TET1: variants seen among roughly 807,000 people sequenced by gnomAD.
TET1 encodes tet methylcytosine dioxygenase 1.
TET1 carries 13 observed loss-of-function variants against 148.7 expected under a neutral mutation model. That is an observed-to-expected ratio of 0.09 (90% confidence interval 0.06 to 0.14). TET1 has a LOEUF of 0.14. TET1 is among the 10% of genes least tolerant of loss of function. The pLI is 1.00. For synonymous variants in TET1, 907 were observed against 937.2 expected, an observed-to-expected ratio of 0.97 and a Z score of 0.59; for missense variants, 2,182 against 2,553.8, an observed-to-expected ratio of 0.85 and a Z score of 3.14.
intron 3 of TET1, among the ~76,000 whole-genome samples, chr10:68,616,190 C>T (rs2054287273): frequency 6.6e-6 from 1 of 151,984 alleles, no homozygotes; most frequent in South Asian, 2.1e-4. Context: ...CTCATCAGTA[C>T]CTATTCAGAT....
chr10:68,582,089 G>A (rs987910283), intron 2 of TET1, among the ~76,000 whole-genome samples: 3 of 147,948 alleles, frequency 2.0e-5, no homozygotes, highest in African/African-American at 7.5e-5. Flanking sequence ...AAGCATATTA[G>A]ATGACACTAT....
intron 11 of TET1, among the ~76,000 whole-genome samples, chr10:68,689,561 C>T (rs1327798427): frequency 6.6e-6 from 1 of 151,444 alleles, no homozygotes. Context: ...ATTAGCCAGG[C>T]GTGGTGGAGA....
intron 3 of TET1, among the ~76,000 whole-genome samples, chr10:68,625,472 C>T (rs991335677): frequency 5.3e-5 from 8 of 152,104 alleles, no homozygotes; most frequent in Admixed American, 3.9e-4. Flanking sequence ...CGCTTAAAAG[C>T]GGGTCACAAA....
intron 6 of TET1, among the ~76,000 whole-genome samples, chr10:68,663,325 A>AT (rs1259976777): frequency 6.6e-6 from 1 of 152,092 alleles, no homozygotes; most frequent in Non-Finnish European, 1.5e-5. Context: ...CCTTCTCTGC[A>AT]TTTTTTATAG....
chr10:68,681,976 A>T (rs1235840350), intron 9 of TET1, among the ~76,000 whole-genome samples: 1 of 150,748 alleles, frequency 6.6e-6, no homozygotes, highest in African/African-American at 2.4e-5. Flanking sequence ...TCAAAAAAAA[A>T]AACAAAAAAA....
In TET1 at chr10:68,644,926, G is replaced by A. The variant is rs940443113; in HGVS notation, c.2197G>A (p.Ala733Thr). The change falls in exon 4 of 12, where the codon GCT (alanine) becomes ACT (threonine). Residue 733 changes from alanine (A) to threonine (T), a missense_variant. By Grantham distance (58) the Ala-to-Thr change is moderately conservative. This residue lies in a region of TET1 where 226 missense variants were observed against 307.4 expected (regional missense o/e 0.74). Transcript: ENST00000373644. ...AGATTTTAGTGCTAATGTCCCAGAA[G>A]CTGAAAAATCGAAAAACTCTGAAGT... ...KGDFSANVPE[A>T]EKSKNSEVDK... 1.9e-6 allele frequency: 3 copies of A among 1,611,704 alleles called. No individual in the cohort carries two copies. The highest frequency in any genetic ancestry group is 8.5e-7 in the Non-Finnish European group (1 of 1,179,312).
At chr10:68,576,085 G>T (rs1353071370) in intron 2 of TET1, among the ~76,000 whole-genome samples, 2 of 151,790 alleles carry the variant, frequency 1.3e-5, no homozygotes, top group Non-Finnish European at 2.9e-5. Flanking sequence ...GCTGGTCATG[G>T]TGGCTCACAC....
At chr10:68,603,844 A>G (rs2054089210) in intron 3 of TET1, among the ~76,000 whole-genome samples, 1 of 152,184 alleles carries the variant, frequency 6.6e-6, no homozygotes, top group Non-Finnish European at 1.5e-5. Context: ...AAAATTAAAA[A>G]CTAAATAGCG....
intron 3 of TET1, among the ~76,000 whole-genome samples, chr10:68,617,948 G>GTCTTGC: frequency 6.7e-6 from 1 of 150,148 alleles, no homozygotes; most frequent in East Asian, 2.0e-4. Context: ...AAGAGACAGT[G>GTCTTGC]TCTTGCTCTG....
intron 3 of TET1, among the ~76,000 whole-genome samples, chr10:68,615,309 C>A (rs766773966): frequency 6.6e-6 from 1 of 151,758 alleles, no homozygotes; most frequent in Non-Finnish European, 1.5e-5. Flanking sequence ...CAGTTTTTAC[C>A]CTGAATTCTT....
chr10:68,684,735 C>T (rs917601627), intron 10 of TET1, among the ~76,000 whole-genome samples: 5 of 152,112 alleles, frequency 3.3e-5, no homozygotes, highest in Non-Finnish European at 7.3e-5. Context: ...TCTCCCTTCA[C>T]CCTGTTTTAC....
At chr10:68,583,228 A>G (rs1203658335) in intron 2 of TET1, among the ~76,000 whole-genome samples, 1 of 152,134 alleles carries the variant, frequency 6.6e-6, no homozygotes, top group Non-Finnish European at 1.5e-5. Flanking sequence ...TTTTTATTCC[A>G]GGGTGGTATT....
chr10:68,676,031 A>G (rs2055343998), intron 8 of TET1, among the ~76,000 whole-genome samples: 1 of 150,844 alleles, frequency 6.6e-6, no homozygotes, highest in Non-Finnish European at 1.5e-5. Flanking sequence ...AATTTTTGGT[A>G]TTTTTAGTAG....
rs1422648486 is a variant in TET1, at chr10:68,572,894, C to G, written c.556C>G (p.Gln186Glu). 2 of 1,613,938 alleles carry G rather than the reference C, an allele frequency of 1.2e-6. No individual in the cohort carries two copies. ...QNPSLLKGKSQETTQFWSQRV... is the reference protein window; with the variant it reads ...QNPSLLKGKSEETTQFWSQRV... ...TCCCTCTTTACTTAAAGGTAAGAGC[C>G]AAGAGACAACTCAGTTTTGGTCCCA... Residue 186 changes from glutamine to glutamate, a missense_variant, in exon 2 of 12, where the codon CAA becomes GAA. Gln to Glu is a conservative substitution (Grantham distance 29). Around this residue, in one of 11 missense-constraint regions of TET1, gnomAD observed 665 missense variants for 672.4 expected, o/e 0.99. Transcript: ENST00000373644.
chr10:68,663,026 T>C (rs1475759544), intron 6 of TET1, among the ~76,000 whole-genome samples: 3 of 152,214 alleles, frequency 2.0e-5, no homozygotes, highest in African/African-American at 4.8e-5. Flanking sequence ...CTCTTGAGGG[T>C]TGGAGAATTA....
rs1053866973 is a variant in TET1, at chr10:68,650,868, T to C, written c.4277-978T>C. Reference sequence around the variant, plus strand: ...CACAAAAATTCAAGTGGTGCAGAAATACGACGCAAACATCTTCCTATACTC... The same window carrying C: ...CACAAAAATTCAAGTGGTGCAGAAACACGACGCAAACATCTTCCTATACTC... On this transcript the variant is annotated intron_variant, in intron 4 of 11. Transcript: ENST00000373644. Among the ~76,000 whole-genome samples the C allele has an allele frequency of 2.0e-5, 3 of 152,132 alleles. No individual in the cohort carries two copies. In the East Asian group the frequency reaches 5.8e-4, roughly 29 times the overall value.
chr10:68,678,537 G>A (rs2055393772), intron 8 of TET1, among the ~76,000 whole-genome samples: 1 of 152,124 alleles, frequency 6.6e-6, no homozygotes, highest in Non-Finnish European at 1.5e-5. Flanking sequence ...ATCACTTGAG[G>A]TCAGGAGTTT....
At chr10:68,608,119 G>A (rs998274885) in intron 3 of TET1, among the ~76,000 whole-genome samples, 3 of 152,024 alleles carry the variant, frequency 2.0e-5, no homozygotes, top group Non-Finnish European at 2.9e-5. Flanking sequence ...AGTAGAGACT[G>A]GGGTTTCATC....
chr10:68,637,291 G>A (rs907381402), intron 3 of TET1, among the ~76,000 whole-genome samples: 3 of 151,998 alleles, frequency 2.0e-5, no homozygotes, highest in Non-Finnish European at 2.9e-5. Context: ...CTCCTGGCCA[G>A]CTTTCTTTTT....
Sources: allele counts gnomAD v4.1 joint callset (sites outside exome capture counted in the v4.1 genomes callset), GRCh38; gene constraint gnomAD v4.1.1; regional missense constraint gnomAD v4.1.1; transcripts MANE v1.5; gene names NCBI Gene and HGNC (gene_info 2026-07-23, HGNC 2026-07-21).